Variants in CLVS1 observed in about 807,000 individuals in gnomAD.
The protein encoded by CLVS1 is clavesin-1.
A neutral mutation model predicts 33.1 loss-of-function variants in CLVS1; 10 were observed. That is an observed-to-expected ratio of 0.30 (90% CI 0.19 to 0.51). CLVS1 has a LOEUF of 0.51. CLVS1 is among the 20% of genes least tolerant of loss of function. CLVS1 has a pLI of 0.97. For synonymous variants in CLVS1, 163 were observed against 166.1 expected (o/e 0.98, Z 0.14); for missense variants, 343 against 433.4 (o/e 0.79, Z 1.85).
At chr8:61,257,077 G>A (rs913758394) in intron 2 of CLVS1, among the ~76,000 whole-genome samples, 3 of 152,066 alleles carry the variant, frequency 2.0e-5, no homozygotes, top group Non-Finnish European at 2.9e-5. Context: ...GGCTTTGATC[G>A]ATCATAACAC....
intron 2 of CLVS1, among the ~76,000 whole-genome samples, chr8:61,252,498 T>G (rs1808971468): frequency 6.6e-6 from 1 of 152,184 alleles, no homozygotes; most frequent in Non-Finnish European, 1.5e-5. Flanking sequence ...CATTGATCTC[T>G]CTAATATTGA....
At chr8:61,358,124 A>C (rs566745759) in intron 2 of CLVS1, among the ~76,000 whole-genome samples, 1 of 152,346 alleles carries the variant, frequency 6.6e-6, no homozygotes, top group African/African-American at 2.4e-5. Flanking sequence ...ATGAAGTGCC[A>C]CCACATTTTT....
chr8:61,050,651 G>C, the CLVS1 span, among the ~76,000 whole-genome samples: 7 of 138,920 alleles, frequency 5.0e-5, no homozygotes, highest in Admixed American at 4.4e-4. Flanking sequence ...CCTCAGGGAG[G>C]GACATTTCAC....
the CLVS1 span, among the ~76,000 whole-genome samples, chr8:60,975,595 A>T: frequency 6.6e-6 from 1 of 152,214 alleles, no homozygotes; most frequent in Admixed American, 6.5e-5. Context: ...CAGTATCTGG[A>T]GCTTCAAAGG....
intron 2 of CLVS1, among the ~76,000 whole-genome samples, chr8:61,155,105 A>C (rs747681185): frequency 2.6e-5 from 4 of 152,174 alleles, no homozygotes; most frequent in Non-Finnish European, 5.9e-5. Context: ...CAGAAACAGG[A>C]AATATAAAAT....
At chr8:61,416,390 G>T (rs756042625) in intron 3 of CLVS1, among the ~76,000 whole-genome samples, 1 of 152,010 alleles carries the variant, frequency 6.6e-6, no homozygotes, top group Non-Finnish European at 1.5e-5. Context: ...AGAACAATAG[G>T]TGGGGAAAAT....
chr8:61,276,519 T>C (rs1809564303), intron 2 of CLVS1, among the ~76,000 whole-genome samples: 1 of 152,162 alleles, frequency 6.6e-6, no homozygotes, highest in African/African-American at 2.4e-5. Flanking sequence ...CTAGACTCAG[T>C]TTTTAAACCT....
the CLVS1 span, among the ~76,000 whole-genome samples, chr8:60,973,191 A>G: frequency 6.6e-6 from 1 of 152,210 alleles, no homozygotes; most frequent in Non-Finnish European, 1.5e-5. Context: ...AGAAAAATCT[A>G]AGCTGTCACA....
the CLVS1 span, among the ~76,000 whole-genome samples, chr8:60,971,041 CTT>C: frequency 7.7e-5 from 10 of 129,628 alleles, no homozygotes; most frequent in African/African-American, 1.1e-4. Flanking sequence ...AATCTAGCAA[CTT>C]TTTTTTTTTG....
chr8:61,324,333 C>T (rs1222108822), intron 2 of CLVS1, among the ~76,000 whole-genome samples: 2 of 140,358 alleles, frequency 1.4e-5, no homozygotes, highest in African/African-American at 4.9e-5. Flanking sequence ...TCAGGGGTTT[C>T]TGCTTTTGCA....
At chr8:61,476,947 C>G (rs1180966481) in intron 5 of CLVS1, among the ~76,000 whole-genome samples, 1 of 152,076 alleles carries the variant, frequency 6.6e-6, no homozygotes, top group Non-Finnish European at 1.5e-5. Flanking sequence ...TCATAGATAG[C>G]TCTTATTATT....
chr8:61,438,908 A>C (rs1024998615), intron 3 of CLVS1, among the ~76,000 whole-genome samples: 4 of 152,358 alleles, frequency 2.6e-5, no homozygotes, highest in Non-Finnish European at 5.9e-5. Context: ...CTAAGTGACC[A>C]GTAATTCTTA....
chr8:61,423,762 T>C (rs2129604762), intron 3 of CLVS1, among the ~76,000 whole-genome samples: 1 of 152,308 alleles, frequency 6.6e-6, no homozygotes, highest in African/African-American at 2.4e-5. Flanking sequence ...TTATAAAGTC[T>C]ACTTATTGGC....
intron 2 of CLVS1, among the ~76,000 whole-genome samples, chr8:61,163,690 G>A (rs1806795056): frequency 1.3e-5 from 2 of 152,174 alleles, no homozygotes; most frequent in South Asian, 4.1e-4. Context: ...GCCGTGGGTT[G>A]TGGAAGAGAA....
At chr8:61,169,377 T>C (rs992090514) in intron 2 of CLVS1, among the ~76,000 whole-genome samples, 6 of 152,132 alleles carry the variant, frequency 3.9e-5, no homozygotes, top group Non-Finnish European at 7.4e-5. Context: ...AGAACAATTA[T>C]TTCCCCAAAA....
At chr8:61,358,320 T>G (rs911109466) in intron 2 of CLVS1, among the ~76,000 whole-genome samples, 1 of 152,230 alleles carries the variant, frequency 6.6e-6, no homozygotes. Flanking sequence ...ATAATTATAT[T>G]GTACACTGTG....
intron 2 of CLVS1, among the ~76,000 whole-genome samples, chr8:61,232,023 G>GT (rs1158042227): frequency 0.03 from 1,904 of 62,626 alleles, 150 homozygotes; most frequent in Non-Finnish European, 0.059. Context: ...GAAAGTTGTG[G>GT]TTTTTTTTTT....
chr8:61,343,707 C>G (rs767795858), intron 2 of CLVS1, among the ~76,000 whole-genome samples: 1 of 152,116 alleles, frequency 6.6e-6, no homozygotes, highest in Non-Finnish European at 1.5e-5. Flanking sequence ...TGCTGAATAT[C>G]GAAGTTCTCA....
chr8:61,197,771 C>T lies in CLVS1; in HGVS notation c.-152+65911C>T, dbSNP rs532113134. On this transcript the variant is annotated intron_variant, in intron 2 of 2. Coordinates refer to the CLVS1 transcript ENST00000522621. The stretch of plus-strand genomic sequence containing the variant: ...CTGACCTCAAGTGATCCACCTACCT[C>T]GGCCTCCCAAAGTGCTGGGATTACA... Among the ~76,000 whole-genome samples, 12 of 152,284 alleles carry T rather than the reference C, an allele frequency of 7.9e-5. No individual in the cohort carries two copies. The South Asian group carries it at 1.7e-3, about 21-fold the overall frequency.
Sources: gnomAD v4.1 joint callset for allele counts (sites outside exome capture counted in the v4.1 genomes callset) on GRCh38, gnomAD v4.1.1 for gene constraint, MANE v1.5 for transcripts, NCBI Gene and HGNC (gene_info 2026-07-23, HGNC 2026-07-21) for gene names.